Variants in RBFOX1 observed in about 807,000 individuals in gnomAD.
RBFOX1 encodes the protein RNA binding fox-1 homolog 1, also known as RNA binding protein fox-1 homolog 1.
In RBFOX1, 8 loss-of-function variants were observed where a neutral mutation model predicts 57.7. That is an observed-to-expected ratio of 0.14 (90% CI 0.08 to 0.25). The LOEUF is 0.25. RBFOX1 is among the 10% of genes least tolerant of loss of function. The pLI, the probability that RBFOX1 is intolerant of heterozygous loss-of-function variation, is 1.00. For synonymous variants in RBFOX1, 326 were observed against 222.4 expected (o/e 1.47, Z -4.15); for missense variants, 611 against 548.5 (o/e 1.11, Z -1.14).
At chr16:7,552,453 C>T (rs1486855181) in intron 5 of RBFOX1, among the ~76,000 whole-genome samples, 1 of 152,142 alleles carries the variant, frequency 6.6e-6, no homozygotes, top group Non-Finnish European at 1.5e-5. Flanking sequence ...AGGGTGTCTT[C>T]AGAGAAGTTG....
At chr16:6,821,671 A>G (rs1212900932) in intron 3 of RBFOX1, among the ~76,000 whole-genome samples, 3 of 151,914 alleles carry the variant, frequency 2.0e-5, no homozygotes, top group Admixed American at 6.6e-5. Flanking sequence ...TTCTTTCAGC[A>G]TAATGTTTGC....
chr16:6,393,173 A>AT (rs2092681173), intron 2 of RBFOX1, among the ~76,000 whole-genome samples: 1 of 152,178 alleles, frequency 6.6e-6, no homozygotes, highest in African/African-American at 2.4e-5. Flanking sequence ...GCTGGTGTGA[A>AT]TTTTACCCCT....
intron 2 of RBFOX1, among the ~76,000 whole-genome samples, chr16:6,565,251 C>G (rs1454984025): frequency 2.8e-5 from 3 of 106,514 alleles, no homozygotes; most frequent in East Asian, 8.3e-4. Flanking sequence ...ATGACTTTTT[C>G]TTTTCTTTTC....
intron 2 of RBFOX1, among the ~76,000 whole-genome samples, chr16:6,603,310 GA>G (rs1445472675): frequency 6.6e-6 from 1 of 152,192 alleles, no homozygotes; most frequent in East Asian, 1.9e-4. Flanking sequence ...ATTTTTTCAA[GA>G]GAACCTGGCA....
At chr16:5,393,290 G>A (rs1179117562) in intron 1 of RBFOX1, among the ~76,000 whole-genome samples, 1 of 152,166 alleles carries the variant, frequency 6.6e-6, no homozygotes, top group African/African-American at 2.4e-5. Flanking sequence ...TTCATCACAT[G>A]GATGATTGGG....
chr16:6,913,958 T>C (rs2072415125), intron 3 of RBFOX1, among the ~76,000 whole-genome samples: 1 of 152,212 alleles, frequency 6.6e-6, no homozygotes, highest in Non-Finnish European at 1.5e-5. Flanking sequence ...TTATGGATGA[T>C]TTATACTCCC....
Position 6,112,152 on chromosome 16 carries a change from A to G in RBFOX1, c.-127+92160A>G, listed in dbSNP as rs548607314. On this transcript the variant is annotated intron_variant, in intron 1 of 15. Transcript: ENST00000550418. ...ATTAGCTAGCTGGAGCCAATTAACC[A>G]TTAAGTTCTTCATTGTTATGAAGAA... Among the ~76,000 whole-genome samples, 303 of 152,300 alleles carry G rather than the reference A, an allele frequency of 2.0e-3. 1 individual carries two copies. Among genetic ancestry groups the G allele is most frequent in the Non-Finnish European group, 3.5e-3 (236 of 68,032 alleles).
At chr16:7,288,691 A>G (rs2095698890) in intron 4 of RBFOX1, among the ~76,000 whole-genome samples, 1 of 152,170 alleles carries the variant, frequency 6.6e-6, no homozygotes. Context: ...AAATACTAAA[A>G]TTAGCCAGGC....
chr16:7,325,504 G>C (rs2096599675), intron 4 of RBFOX1, among the ~76,000 whole-genome samples: 1 of 152,184 alleles, frequency 6.6e-6, no homozygotes, highest in South Asian at 2.1e-4. Flanking sequence ...GTACATACTT[G>C]TCATTCTCAT....
chr16:7,041,016 A>G (rs1472727068), intron 3 of RBFOX1, among the ~76,000 whole-genome samples: 1 of 151,522 alleles, frequency 6.6e-6, no homozygotes, highest in African/African-American at 2.4e-5. Context: ...CCTGGGTTCA[A>G]GCGATTCTCC....
intron 4 of RBFOX1, among the ~76,000 whole-genome samples, chr16:7,223,972 C>T (rs1285645653): frequency 6.6e-6 from 1 of 151,728 alleles, no homozygotes; most frequent in African/African-American, 2.4e-5. Flanking sequence ...CATGTGGCTT[C>T]AGTGCTTTAA....
chr16:7,678,965 C>T (rs1290390463), intron 14 of RBFOX1, among the ~76,000 whole-genome samples: 1 of 152,102 alleles, frequency 6.6e-6, no homozygotes, highest in Non-Finnish European at 1.5e-5. Context: ...ATATAATTGG[C>T]CTCTTGTTGT....
chr16:6,953,948 C>G (rs751459664), intron 3 of RBFOX1, among the ~76,000 whole-genome samples: 2 of 152,118 alleles, frequency 1.3e-5, no homozygotes, highest in African/African-American at 2.4e-5. Context: ...GAGGAGTAAC[C>G]TCTTATTTAC....
At chr16:5,787,993 AGCGGGG>A (rs1371840204) in intron 3 of RBFOX1, among the ~76,000 whole-genome samples, 1 of 152,196 alleles carries the variant, frequency 6.6e-6, no homozygotes, top group East Asian at 1.9e-4. Flanking sequence ...CATCCCTTCC[AGCGGGG>A]GCAGGAAATG....
At chr16:6,495,671 G>T (rs2153155556) in intron 2 of RBFOX1, among the ~76,000 whole-genome samples, 1 of 152,254 alleles carries the variant, frequency 6.6e-6, no homozygotes, top group East Asian at 1.9e-4. Flanking sequence ...TGCCTCTTAT[G>T]GCTTTTGGAT....
At chr16:6,914,218 A>G (rs538261667) in intron 3 of RBFOX1, among the ~76,000 whole-genome samples, 2 of 152,320 alleles carry the variant, frequency 1.3e-5, no homozygotes, top group African/African-American at 4.8e-5. Context: ...AGTTTAGCAT[A>G]TTTATTCCTT....
chr16:5,878,926 TATTA>T (rs1425636958), intron 4 of RBFOX1, among the ~76,000 whole-genome samples: 10 of 152,220 alleles, frequency 6.6e-5, no homozygotes, highest in Non-Finnish European at 1.5e-4. Flanking sequence ...TTTGCAAAAA[TATTA>T]ATTAATACTC....
intron 4 of RBFOX1, among the ~76,000 whole-genome samples, chr16:7,484,237 A>G (rs7193689): frequency 0.8 from 121,948 of 152,140 alleles, 49,326 homozygotes; most frequent in African/African-American, 0.86. Context: ...TCCATTCACC[A>G]GACCAATTAA....
intron 4 of RBFOX1, among the ~76,000 whole-genome samples, chr16:7,102,599 T>A (rs2062877300): frequency 6.6e-6 from 1 of 152,192 alleles, no homozygotes; most frequent in African/African-American, 2.4e-5. Context: ...AGTGATCGAT[T>A]GATTGGGTCT....
Sources: gnomAD v4.1 joint callset for allele counts (sites outside exome capture counted in the v4.1 genomes callset) on GRCh38, gnomAD v4.1.1 for gene constraint, MANE v1.5 for transcripts, NCBI Gene and HGNC (gene_info 2026-07-23, HGNC 2026-07-21) for gene names.